TMEM131: variants seen among roughly 807,000 people sequenced by gnomAD.
TMEM131 encodes the protein 2610524E03Rik.
TMEM131 carries 66 observed loss-of-function variants against 211.6 expected under a neutral mutation model. The observed-to-expected ratio is 0.31, with a 90% CI of 0.26 to 0.38. TMEM131 has a LOEUF of 0.38. Ranked by LOEUF, TMEM131 falls within the 10% of genes least tolerant of loss-of-function variation. The pLI, the probability that TMEM131 is intolerant of heterozygous loss-of-function variation, is 1.00. For missense variants in TMEM131, 2,036 were observed against 2,299.3 expected (o/e 0.89, Z 2.34); for synonymous variants, 844 against 841.3 (o/e 1.00, Z -0.06).
At chr2:97,878,779 T>C (rs1236419030) in intron 4 of TMEM131, among the ~76,000 whole-genome samples, 1 of 151,440 alleles carries the variant, frequency 6.6e-6, no homozygotes, top group African/African-American at 2.5e-5. Context: ...CAAACTACCA[T>C]GGCACATGTG....
intron 1 of TMEM131, among the ~76,000 whole-genome samples, chr2:97,979,956 G>A (rs2104636636): frequency 6.6e-6 from 1 of 152,156 alleles, no homozygotes; most frequent in South Asian, 2.1e-4. Context: ...CCTTTCACTT[G>A]AACACTTAGA....
At chr2:97,781,580 C>G (rs969727978) in intron 31 of TMEM131, among the ~76,000 whole-genome samples, 2 of 152,164 alleles carry the variant, frequency 1.3e-5, no homozygotes, top group Non-Finnish European at 2.9e-5. Context: ...AAATATAAAT[C>G]TCATTTAAAC....
chr2:97,762,320 G>A (rs113912598), intron 35 of TMEM131, 120 bp from the exon 36 acceptor site: 25 of 1,003,944 alleles, frequency 2.5e-5, no homozygotes, highest in African/African-American at 4.9e-5. Flanking sequence ...GAAAACAAAC[G>A]AAAGCTCTTA....
At chr2:97,957,716 C>T (rs371671978) in intron 1 of TMEM131, among the ~76,000 whole-genome samples, 2 of 152,026 alleles carry the variant, frequency 1.3e-5, no homozygotes, top group Admixed American at 6.5e-5. Flanking sequence ...TGAAAACATG[C>T]GGGAAAGCTT....
chr2:97,759,931 A>G (rs1487879629), intron 38 of TMEM131, 182 bp from the exon 39 acceptor site: 4 of 570,880 alleles, frequency 7.0e-6, no homozygotes, highest in Non-Finnish European at 9.5e-6. Context: ...AGTCGGAGGG[A>G]GCCCCAGAGC....
intron 19 of TMEM131, 95 bp from the exon 20 acceptor site, chr2:97,805,798 C>T (rs941962465): frequency 1.8e-6 from 2 of 1,116,346 alleles, no homozygotes; most frequent in African/African-American, 3.1e-5. Context: ...TTCTAGGAAA[C>T]CAAAGCCCAA....
At chr2:97,762,956 T>C (rs1044076370) in intron 35 of TMEM131, 1 of 152,190 alleles carries the variant, frequency 6.6e-6, no homozygotes, top group African/African-American at 2.4e-5. Context: ...TGCACATCTA[T>C]TGTGTGCAAC....
chr2:97,917,163 T>C (rs1447956807), intron 2 of TMEM131, among the ~76,000 whole-genome samples: 2 of 152,204 alleles, frequency 1.3e-5, no homozygotes, highest in African/African-American at 4.8e-5. Flanking sequence ...TGCCAGCTTT[T>C]GCAAATAAAG....
chr2:97,947,332 T>C (rs892298084), intron 1 of TMEM131, among the ~76,000 whole-genome samples: 18 of 152,048 alleles, frequency 1.2e-4, no homozygotes, highest in African/African-American at 4.3e-4. Context: ...CCTATAAAAA[T>C]TCTACTAGAA....
intron 1 of TMEM131, among the ~76,000 whole-genome samples, 178 bp from the exon 2 acceptor site, chr2:97,927,665 T>C (rs1178455758): frequency 1.3e-5 from 2 of 152,130 alleles, no homozygotes; most frequent in Admixed American, 6.5e-5. Context: ...AGAAATACTT[T>C]AAAATAAAAC....
At position 97,766,346 on chromosome 2, in the gene TMEM131, G is replaced by C; in HGVS notation, c.4574-83C>G. 3 of 1,600,892 alleles carry C rather than the reference G, an allele frequency of 1.9e-6. No homozygotes were observed. The South Asian group carries it at 3.4e-5, about 18-fold the overall frequency. ...CTATTTCAATGAACCTTCTAATGAG[G>C]ACAAGAACACAGCCTTAGCCTTGCA... is the stretch of plus-strand genomic sequence containing the variant. On this transcript the variant is annotated intron_variant, in intron 34 of 40. Coordinates refer to ENST00000186436, the MANE Select transcript of TMEM131 (RefSeq NM_015348.2).
intron 3 of TMEM131, among the ~76,000 whole-genome samples, chr2:97,898,027 T>C (rs1343295029): frequency 1.3e-5 from 2 of 152,182 alleles, no homozygotes; most frequent in Non-Finnish European, 2.9e-5. Flanking sequence ...ATTCTTTGAA[T>C]GTTTATAAGA....
intron 34 of TMEM131, 71 bp from the exon 35 acceptor site, chr2:97,766,334 C>A: frequency 6.2e-7 from 1 of 1,605,080 alleles, no homozygotes; most frequent in Non-Finnish European, 8.5e-7. Flanking sequence ...TTTCAATGAA[C>A]CTTCTAATGA....
intron 1 of TMEM131, among the ~76,000 whole-genome samples, chr2:97,929,360 A>G (rs1450015097): frequency 6.6e-6 from 1 of 151,810 alleles, no homozygotes; most frequent in East Asian, 1.9e-4. Context: ...TGCTGAATAA[A>G]TGGGAGAAAA....
At chr2:97,882,703 T>C (rs1156781467) in intron 4 of TMEM131, among the ~76,000 whole-genome samples, 3 of 152,196 alleles carry the variant, frequency 2.0e-5, no homozygotes, top group African/African-American at 7.2e-5. Flanking sequence ...AATTCCTTAT[T>C]ATAAACCCAT....
chr2:97,901,110 A>T lies in TMEM131; in HGVS notation c.290+7548T>A, dbSNP rs116298430. Reference sequence around the variant, plus strand: ...TGAATATAACCTTCAAAAATATGAAAATACATACACAAGAGATTATTCTTT... The same window carrying T: ...TGAATATAACCTTCAAAAATATGAATATACATACACAAGAGATTATTCTTT... On this transcript the variant is annotated intron_variant, in intron 3 of 40. Coordinates refer to ENST00000186436, the MANE Select transcript of TMEM131 (RefSeq NM_015348.2). Among the ~76,000 whole-genome samples the T allele has an allele frequency of 6.5e-3, 985 of 152,320 alleles. 2 individuals carry two copies. The highest frequency in any genetic ancestry group is 9.8e-3 in the Non-Finnish European group (666 of 68,014).
chr2:97,954,951 AAAG>A (rs1418578079), intron 1 of TMEM131, among the ~76,000 whole-genome samples: 1 of 152,140 alleles, frequency 6.6e-6, no homozygotes, highest in Non-Finnish European at 1.5e-5. Context: ...TTAAAAAAAC[AAAG>A]AACATTTCCC....
At chr2:97,979,945 TC>T (rs1186719875) in intron 1 of TMEM131, among the ~76,000 whole-genome samples, 1 of 152,206 alleles carries the variant, frequency 6.6e-6, no homozygotes, top group Non-Finnish European at 1.5e-5. Flanking sequence ...GTGTGACTCT[TC>T]CTTTCACTTG....
At chr2:97,779,654 A>C (rs1439294393) in intron 31 of TMEM131, among the ~76,000 whole-genome samples, 1 of 152,090 alleles carries the variant, frequency 6.6e-6, no homozygotes, top group East Asian at 1.9e-4. Flanking sequence ...CAGAACCAGA[A>C]CTCTGCGGGT....
Sources: allele counts gnomAD v4.1 joint callset (sites outside exome capture counted in the v4.1 genomes callset), GRCh38; gene constraint gnomAD v4.1.1; transcripts MANE v1.5; gene names NCBI Gene and HGNC (gene_info 2026-07-23, HGNC 2026-07-21).